The following RNF217 variants were observed in gnomAD, a reference collection of about 807,000 sequenced individuals.
The protein encoded by RNF217 is E3 ubiquitin-protein ligase RNF217.
Under a neutral mutation model 57.8 loss-of-function variants are expected in RNF217, and 31 were observed. The ratio of observed to expected loss-of-function variants is 0.54; its 90% CI spans 0.40 to 0.72. RNF217 has a LOEUF of 0.72. Ranked by LOEUF, RNF217 falls within the 30% of genes least tolerant of loss-of-function variation. The pLI is 0.00. For missense variants in RNF217, 696 were observed against 708.3 expected, an observed-to-expected ratio of 0.98 and a Z score of 0.20; for synonymous variants, 313 against 294.0, an observed-to-expected ratio of 1.06 and a Z score of -0.66.
intron 1 of RNF217, among the ~76,000 whole-genome samples, chr6:125,011,287 T>A (rs927449926): frequency 1.3e-5 from 2 of 152,158 alleles, no homozygotes; most frequent in African/African-American, 4.8e-5. Context: ...TAGGTAATAA[T>A]AATGGCCATC....
At chr6:125,053,631 T>C in intron 2 of RNF217, among the ~76,000 whole-genome samples, 1 of 151,468 alleles carries the variant, frequency 6.6e-6, no homozygotes, top group Non-Finnish European at 1.5e-5. Flanking sequence ...ATTTTGTGGG[T>C]TGTTTCCTTA....
chr6:125,003,079 GGCCCTTGTCATTTTAAACACACAC>G (rs894209061), intron 1 of RNF217, among the ~76,000 whole-genome samples: 13 of 152,132 alleles, frequency 8.5e-5, no homozygotes, highest in African/African-American at 2.7e-4. Flanking sequence ...TAAGTAGTGA[GGCCCTTGTCATTTTAAACACACAC>G]GCACACAAAC....
rs576200373 is a variant in RNF217, at chr6:125,088,405, G to C, written c.*5468G>C. On this transcript the variant is annotated 3_prime_UTR_variant, in exon 6 of 6. Transcript: ENST00000521654. ...AATACACATTTCATAGCCAAACTTT[G>C]TGTGGGACTTCTATTGTTACTAATT... 1 of 152,206 alleles carries C rather than the reference G, an allele frequency of 6.6e-6. No individual in the cohort carries two copies. The highest frequency in any genetic ancestry group is 1.5e-5 in the Non-Finnish European group (1 of 67,990). 9.4% of individuals were successfully genotyped at this position (152,206 alleles called of 1,614,324 possible).
chr6:125,034,791 A>G lies in RNF217; in HGVS notation c.883-10420A>G, dbSNP rs1173537500. ...GAATCTATAAATTACCTTGGGCAGT[A>G]TGGCCATTTTCACGATATTGATTCT... On this transcript the variant is annotated intron_variant, in intron 1 of 5. Transcript: ENST00000521654. Among the ~76,000 whole-genome samples, 3 of 152,084 alleles carry G rather than the reference A, an allele frequency of 2.0e-5. No homozygotes were observed. The East Asian group carries it at 5.8e-4, about 29-fold the overall frequency.
At chr6:125,018,972 G>A (rs1785719742) in intron 1 of RNF217, among the ~76,000 whole-genome samples, 1 of 152,120 alleles carries the variant, frequency 6.6e-6, no homozygotes. Context: ...TACACCTCCA[G>A]GCATAAAACT....
intron 1 of RNF217, among the ~76,000 whole-genome samples, chr6:125,028,107 C>T (rs1457236893): frequency 6.6e-6 from 1 of 152,070 alleles, no homozygotes; most frequent in African/African-American, 2.4e-5. Flanking sequence ...TATATCTTTG[C>T]TGTGTAGAAG....
chr6:125,001,606 A>G (rs939248206), intron 1 of RNF217, among the ~76,000 whole-genome samples: 37 of 152,314 alleles, frequency 2.4e-4, no homozygotes, highest in Non-Finnish European at 1.6e-4. Context: ...AATTTGAATC[A>G]CAGTTGTTAA....
At chr6:124,996,919 T>A (rs1784774755) in intron 1 of RNF217, among the ~76,000 whole-genome samples, 1 of 152,172 alleles carries the variant, frequency 6.6e-6, no homozygotes, top group Non-Finnish European at 1.5e-5. Context: ...ATAAAAATGA[T>A]CCGTATTTTC....
chr6:124,974,462 G>A (rs1783883376), intron 1 of RNF217, among the ~76,000 whole-genome samples: 2 of 152,060 alleles, frequency 1.3e-5, no homozygotes, highest in Non-Finnish European at 2.9e-5. Flanking sequence ...CTTAGTGAAA[G>A]CTATTATCTT....
At chr6:124,977,331 G>T (rs1030340124) in intron 1 of RNF217, among the ~76,000 whole-genome samples, 1 of 152,254 alleles carries the variant, frequency 6.6e-6, no homozygotes, top group East Asian at 1.9e-4. Context: ...GCATCTCTTT[G>T]CCTGTATGAG....
chr6:125,086,782 C>T lies in RNF217; in HGVS notation c.*3845C>T, dbSNP rs947843134. On this transcript the variant is annotated 3_prime_UTR_variant, in exon 6 of 6. Transcript: ENST00000521654. ...TAATTAAACACAAGTCAGGTTACAA[C>T]ATGATATCTTTAATTGTACTTTCTC... is the stretch of plus-strand genomic sequence containing the variant. The T allele has an allele frequency of 6.6e-6, 1 of 152,060 alleles. No homozygotes were observed. The highest frequency in any genetic ancestry group is 1.5e-5 in the Non-Finnish European group (1 of 67,984). 9.4% of individuals were successfully genotyped at this position (152,060 alleles called of 1,614,324 possible).
At chr6:125,010,229 C>T (rs1057179641) in intron 1 of RNF217, among the ~76,000 whole-genome samples, 1 of 152,064 alleles carries the variant, frequency 6.6e-6, no homozygotes. Context: ...CTGGGCTGCT[C>T]AGTGTGACTG....
intron 3 of RNF217, among the ~76,000 whole-genome samples, chr6:125,070,941 A>G (rs2114625874): frequency 6.6e-6 from 1 of 152,338 alleles, no homozygotes; most frequent in African/African-American, 2.4e-5. Context: ...CTGGAGACAA[A>G]TACTTGTGGG....
intron 1 of RNF217, among the ~76,000 whole-genome samples, chr6:125,004,759 T>G (rs1382380268): frequency 6.6e-6 from 1 of 152,224 alleles, no homozygotes; most frequent in Non-Finnish European, 1.5e-5. Flanking sequence ...GTAATTCTGG[T>G]GTGTTTCTTA....
intron 3 of RNF217, among the ~76,000 whole-genome samples, chr6:125,059,255 TA>T: frequency 6.6e-6 from 1 of 152,194 alleles, no homozygotes; most frequent in Non-Finnish European, 1.5e-5. Context: ...ATATTTGGCC[TA>T]AAGTTTTCTT....
At chr6:125,039,332 A>G (rs549520616) in intron 1 of RNF217, among the ~76,000 whole-genome samples, 2 of 152,276 alleles carry the variant, frequency 1.3e-5, no homozygotes, top group African/African-American at 4.8e-5. Flanking sequence ...TTAAACCAAC[A>G]AAGATCAAAA....
chr6:124,962,499 G>C lies in RNF217; in HGVS notation c.-46G>C. ...CGCTGCCCGCGGGCGCCGGGTGGGG[G>C]TCCCGGCGGCTGGATGGGCAGCGGC... On this transcript the variant is annotated 5_prime_UTR_variant, in exon 1 of 6. Coordinates refer to ENST00000521654, the MANE Select transcript of RNF217 (RefSeq NM_001286398.3). The surrounding 1 kb of genome is among the most constrained non-coding windows in gnomAD (Gnocchi z 4.6). 1 of 1,010,058 alleles carries C rather than the reference G, an allele frequency of 9.9e-7. No homozygotes were observed. Among genetic ancestry groups the C allele is most frequent in the Non-Finnish European group, 1.2e-6 (1 of 812,158 alleles). The allele number at this position is 1,010,058 out of a possible 1,614,324, so 62.6% of individuals were successfully genotyped here. A position where few individuals can be genotyped will look rare whatever the true frequency, so the allele number is the denominator to read the frequency against.
chr6:124,997,634 T>C (rs1784803096), intron 1 of RNF217, among the ~76,000 whole-genome samples: 1 of 152,170 alleles, frequency 6.6e-6, no homozygotes, highest in South Asian at 2.1e-4. Context: ...ATCTGACGCA[T>C]TGAGCACATT....
At chr6:124,963,879 G>T (rs1447733290) in intron 1 of RNF217, among the ~76,000 whole-genome samples, 2 of 152,224 alleles carry the variant, frequency 1.3e-5, no homozygotes, top group African/African-American at 4.8e-5. Context: ...TGCTTCATTT[G>T]TATATTCCAG....
Sources: gnomAD v4.1 joint callset for allele counts (sites outside exome capture counted in the v4.1 genomes callset) on GRCh38, gnomAD v4.1.1 for gene constraint, Gnocchi (gnomAD v3.1) non-coding constraint, MANE v1.5 for transcripts, NCBI Gene and HGNC (gene_info 2026-07-23, HGNC 2026-07-21) for gene names.